RXFP2: variants seen among roughly 807,000 people sequenced by gnomAD.
RXFP2 encodes the protein relaxin family peptide receptor 2.
In RXFP2, 68 loss-of-function variants were observed where a neutral mutation model predicts 88.6. The observed-to-expected ratio is 0.77, with a 90% CI of 0.63 to 0.94. The LOEUF is 0.94. RXFP2 is among the 40% of genes least tolerant of loss of function. The probability of loss-of-function intolerance (pLI) is 0.00; values close to 1 mark genes in which losing one functional copy is unlikely to be tolerated. For synonymous variants in RXFP2, 329 were observed against 306.8 expected (o/e 1.07, Z -0.76); for missense variants, 791 against 893.9 (o/e 0.88, Z 1.47).
At chr13:31,780,827 A>T (rs1015595886) in intron 9 of RXFP2, among the ~76,000 whole-genome samples, 1 of 152,246 alleles carries the variant, frequency 6.6e-6, no homozygotes, top group African/African-American at 2.4e-5. Context: ...ATCAGCGTGC[A>T]TCGTAAACAA....
intron 14 of RXFP2, among the ~76,000 whole-genome samples, chr13:31,790,916 G>A (rs181131407): frequency 8.5e-5 from 13 of 152,308 alleles, no homozygotes; most frequent in Admixed American, 2.6e-4. Flanking sequence ...GTGTGTCTGG[G>A]TGGAGTAAGC....
chr13:31,798,843 C>A (rs141869227), intron 17 of RXFP2, among the ~76,000 whole-genome samples: 1 of 152,140 alleles, frequency 6.6e-6, no homozygotes, highest in Non-Finnish European at 1.5e-5. Flanking sequence ...TACTAAACAC[C>A]ACTTCCCATC....
intron 3 of RXFP2, among the ~76,000 whole-genome samples, chr13:31,762,371 C>T (rs1017015572): frequency 6.6e-6 from 1 of 152,170 alleles, no homozygotes; most frequent in South Asian, 2.1e-4. Context: ...ACAGGATGAG[C>T]AGAGGAGCAA....
chr13:31,802,682 A>G lies in RXFP2; in HGVS notation c.*277A>G. ...GCTGAGGTGCAGCTGATCTCTAGCT[A>G]ATCAACACAACCCACCAACAAATGA... On this transcript the variant is annotated 3_prime_UTR_variant, in exon 18 of 18. Coordinates refer to ENST00000298386, the MANE Select transcript of RXFP2 (RefSeq NM_130806.5). 2.2e-6 allele frequency: 1 copy of G among 445,290 alleles called. No individual in the cohort carries two copies. Among genetic ancestry groups the G allele is most frequent in the Non-Finnish European group, 4.2e-6 (1 of 240,512 alleles). The allele number at this position is 445,290 out of a possible 1,614,324, so 27.6% of individuals were successfully genotyped here. A position where few individuals can be genotyped will look rare whatever the true frequency, so the allele number is the denominator to read the frequency against.
At chr13:31,753,563 C>A (rs1566215180) in intron 1 of RXFP2, among the ~76,000 whole-genome samples, 1 of 152,176 alleles carries the variant, frequency 6.6e-6, no homozygotes, top group Non-Finnish European at 1.5e-5. Context: ...CTGTCTCTTT[C>A]CACTTCCACA....
Position 31,777,456 on chromosome 13 carries a change from T to C in RXFP2, c.713+9T>C, listed in dbSNP as rs2138434176. Reference sequence around the variant, plus strand: ...AATTCCTTGTTTTTCCTGTAAGTATTCATCAACCTTTCAATACATCTATCG... The same window carrying C: ...AATTCCTTGTTTTTCCTGTAAGTATCCATCAACCTTTCAATACATCTATCG... On this transcript the variant is annotated intron_variant, in intron 8 of 17. Transcript: ENST00000298386. 2 of 1,580,800 alleles carry C rather than the reference T, an allele frequency of 1.3e-6. No homozygotes were observed. Among genetic ancestry groups the C allele is most frequent in the South Asian group, 2.2e-5 (2 of 89,872 alleles).
In RXFP2 at chr13:31,797,409, G is replaced by T; in HGVS notation, c.1995G>T (p.Val665=). Reference sequence around the variant, plus strand: ...TTAAAATCCTTTCCCTCTTCCGGGTGGAAATACCAGGTCAGTCTCTTCTAT... The same window carrying T: ...TTAAAATCCTTTCCCTCTTCCGGGTTGAAATACCAGGTCAGTCTCTTCTAT... ...FVVKILSLFR[V]EIPDTMTSWI... is the part of the protein sequence containing the mutation. The change falls in exon 17 of 18, where the codon GTG becomes GTT. Residue 665 remains valine (V), a synonymous_variant. Transcript: ENST00000298386. 6.2e-7 allele frequency: 1 copy of T among 1,612,446 alleles called. No individual in the cohort carries two copies. Among genetic ancestry groups the T allele is most frequent in the Non-Finnish European group, 8.5e-7 (1 of 1,178,564 alleles).
At chr13:31,798,476 T>C (rs1375205238) in intron 17 of RXFP2, among the ~76,000 whole-genome samples, 4 of 152,202 alleles carry the variant, frequency 2.6e-5, no homozygotes, top group East Asian at 3.8e-4. Context: ...TGGGAGGTCA[T>C]GTGGGGAGAC....
At chr13:31,762,691 G>T (rs1220876996) in intron 3 of RXFP2, among the ~76,000 whole-genome samples, 3 of 151,924 alleles carry the variant, frequency 2.0e-5, no homozygotes, top group Non-Finnish European at 2.9e-5. Flanking sequence ...AGTATTTTAT[G>T]TACTCTATAA....
intron 2 of RXFP2, among the ~76,000 whole-genome samples, 188 bp downstream of exon 2, chr13:31,758,592 G>T (rs1222053506): frequency 6.6e-6 from 1 of 152,008 alleles, no homozygotes. Context: ...GTAGGTACAG[G>T]TTACTTAAGT....
chr13:31,778,851 A>G (rs1250330126), intron 9 of RXFP2, among the ~76,000 whole-genome samples: 2 of 152,148 alleles, frequency 1.3e-5, no homozygotes, highest in East Asian at 3.8e-4. Flanking sequence ...CATGTATCAA[A>G]CTACTACTCC....
At chr13:31,793,369 T>C (rs1488346501) in intron 16 of RXFP2, among the ~76,000 whole-genome samples, 1 of 152,142 alleles carries the variant, frequency 6.6e-6, no homozygotes, top group African/African-American at 2.4e-5. Flanking sequence ...ATGAAATGAC[T>C]ATGAGCTGAA....
intron 14 of RXFP2, among the ~76,000 whole-genome samples, chr13:31,791,133 A>T (rs924671116): frequency 6.6e-6 from 1 of 152,228 alleles, no homozygotes; most frequent in Non-Finnish European, 1.5e-5. Flanking sequence ...GAGGGATGGC[A>T]ATGGCCAGAT....
At chr13:31,776,778 A>C (rs1873008139) in intron 7 of RXFP2, among the ~76,000 whole-genome samples, 1 of 152,178 alleles carries the variant, frequency 6.6e-6, no homozygotes, top group Admixed American at 6.5e-5. Flanking sequence ...CTTCACAGGC[A>C]ACAAGAGGAA....
At chr13:31,758,007 G>A (rs550989110) in intron 1 of RXFP2, among the ~76,000 whole-genome samples, 12 of 152,236 alleles carry the variant, frequency 7.9e-5, no homozygotes, top group Middle Eastern at 3.4e-3. Flanking sequence ...CAGGAGAATC[G>A]TTTGAATTTG....
At chr13:31,779,189 G>T (rs774248657) in intron 9 of RXFP2, among the ~76,000 whole-genome samples, 1 of 149,674 alleles carries the variant, frequency 6.7e-6, no homozygotes. Context: ...GCAGTGGTGC[G>T]ATCTCGGCTC....
chr13:31,745,580 C>T (rs1566211484), intron 1 of RXFP2, among the ~76,000 whole-genome samples: 2 of 152,318 alleles, frequency 1.3e-5, no homozygotes, highest in South Asian at 4.1e-4. Flanking sequence ...TGGCATTGAA[C>T]CCAGTTGCGA....
At chr13:31,765,194 C>A (rs1422003713) in intron 4 of RXFP2, 52 bp downstream of exon 4, 2 of 1,167,942 alleles carry the variant, frequency 1.7e-6, no homozygotes, top group Non-Finnish European at 1.3e-6. Flanking sequence ...CACATGAAAA[C>A]CAAGAAAAAA....
chr13:31,739,804 T>A (rs1871154612), intron 1 of RXFP2, 98 bp downstream of exon 1: 14 of 696,054 alleles, frequency 2.0e-5, no homozygotes, highest in Admixed American at 4.6e-5. Context: ...TTGGGGTGTT[T>A]AAAAAAAAAA....
Sources: gnomAD v4.1 joint callset for allele counts (sites outside exome capture counted in the v4.1 genomes callset) on GRCh38, gnomAD v4.1.1 for gene constraint, MANE v1.5 for transcripts, NCBI Gene and HGNC (gene_info 2026-07-23, HGNC 2026-07-21) for gene names.